The following IL1RL2 variants were observed in gnomAD, a reference collection of about 807,000 sequenced individuals.
IL1RL2 encodes the protein interleukin-1 receptor-like 2.
In IL1RL2, 68 loss-of-function variants were observed where a neutral mutation model predicts 66.8. That is an observed-to-expected ratio of 1.02 (90% CI 0.84 to 1.25). The LOEUF (loss-of-function observed/expected upper bound fraction) is 1.25. Ranked by LOEUF, IL1RL2 falls within the 50% of genes most tolerant of loss-of-function variation. The pLI is 0.00. For missense variants in IL1RL2, 729 were observed against 709.3 expected (o/e 1.03, Z -0.32); for synonymous variants, 305 against 264.6 (o/e 1.15, Z -1.48).
chr2:102,201,418 T>C (rs1475544785), intron 4 of IL1RL2, 138 bp from the exon 5 acceptor site: 12 of 688,746 alleles, frequency 1.7e-5, no homozygotes, highest in Middle Eastern at 3.8e-4. Context: ...CATCAATCTA[T>C]CATCTACCTA....
intron 9 of IL1RL2, among the ~76,000 whole-genome samples, 160 bp from the exon 10 acceptor site, chr2:102,232,803 T>C (rs1691250854): frequency 6.6e-6 from 1 of 152,160 alleles, no homozygotes; most frequent in African/African-American, 2.4e-5. Flanking sequence ...GAGGAGATGA[T>C]GTCCCTTGGC....
intron 5 of IL1RL2, among the ~76,000 whole-genome samples, chr2:102,205,858 A>G (rs572914877): frequency 2.0e-5 from 3 of 152,144 alleles, no homozygotes; most frequent in Non-Finnish European, 4.4e-5. Flanking sequence ...TGTAAAGCCA[A>G]TAACTTTTAG....
At chr2:102,236,520 C>T (rs2287040) in intron 11 of IL1RL2, among the ~76,000 whole-genome samples, 41,793 of 152,178 alleles carry the variant, frequency 0.27, 6,476 homozygotes, top group South Asian at 0.37. Context: ...CCTATGGAGG[C>T]CTCGACTTGA....
intron 9 of IL1RL2, among the ~76,000 whole-genome samples, chr2:102,226,285 C>G (rs184301028): frequency 4.6e-5 from 7 of 152,320 alleles, no homozygotes; most frequent in African/African-American, 1.7e-4. Context: ...AGGAGGAGAT[C>G]ATCTTCTAAG....
At chr2:102,231,906 A>G (rs866009892) in intron 9 of IL1RL2, among the ~76,000 whole-genome samples, 1 of 152,262 alleles carries the variant, frequency 6.6e-6, no homozygotes. Flanking sequence ...ATCAAGAGGG[A>G]GTCATCCAGT....
At chr2:102,207,896 C>T (rs1191090417) in intron 5 of IL1RL2, among the ~76,000 whole-genome samples, 2 of 152,212 alleles carry the variant, frequency 1.3e-5, no homozygotes, top group Admixed American at 1.3e-4. Context: ...GTAAGATTTA[C>T]AGGAACTCAA....
chr2:102,190,925 C>A (rs1687175300), intron 3 of IL1RL2, among the ~76,000 whole-genome samples: 1 of 152,314 alleles, frequency 6.6e-6, no homozygotes, highest in Admixed American at 6.5e-5. Context: ...ACTTTTATTA[C>A]TAACATCCAG....
intron 7 of IL1RL2, among the ~76,000 whole-genome samples, 190 bp from the exon 8 acceptor site, chr2:102,219,691 G>A (rs1369590422): frequency 1.3e-5 from 2 of 152,160 alleles, no homozygotes; most frequent in African/African-American, 2.4e-5. Flanking sequence ...TTGTCACCAT[G>A]CAGAAGAAAA....
At chr2:102,220,892 AG>A (rs1406382703) in intron 8 of IL1RL2, among the ~76,000 whole-genome samples, 1 of 152,188 alleles carries the variant, frequency 6.6e-6, no homozygotes, top group Non-Finnish European at 1.5e-5. Context: ...GCCCCTGCCA[AG>A]CTCCTGGCCT....
chr2:102,224,814 C>A (rs1342555340), intron 8 of IL1RL2, among the ~76,000 whole-genome samples: 1 of 152,114 alleles, frequency 6.6e-6, no homozygotes, highest in East Asian at 1.9e-4. Context: ...ACATTGTATG[C>A]CTGTGTCAAA....
At chr2:102,232,614 C>T (rs181601379) in intron 9 of IL1RL2, among the ~76,000 whole-genome samples, 8 of 152,320 alleles carry the variant, frequency 5.3e-5, no homozygotes, top group East Asian at 3.9e-4. Context: ...CTGCGCTGGA[C>T]GAGTCTTCTG....
At chr2:102,199,868 C>A (rs932287306) in intron 4 of IL1RL2, among the ~76,000 whole-genome samples, 1 of 152,100 alleles carries the variant, frequency 6.6e-6, no homozygotes, top group South Asian at 2.1e-4. Flanking sequence ...AGACATTGTA[C>A]TTTGTTTGGG....
chr2:102,220,075 A>G, intron 8 of IL1RL2, 58 bp downstream of exon 8: 1 of 1,472,932 alleles, frequency 6.8e-7, no homozygotes, highest in Non-Finnish European at 9.2e-7. Flanking sequence ...GCCAGGAAAC[A>G]CATCTGAAGG....
At chr2:102,222,438 T>C (rs1690223066) in intron 8 of IL1RL2, among the ~76,000 whole-genome samples, 3 of 152,198 alleles carry the variant, frequency 2.0e-5, no homozygotes, top group African/African-American at 7.2e-5. Flanking sequence ...TTAACATTTC[T>C]ATATAATGCC....
chr2:102,229,506 C>G (rs1261318488), intron 9 of IL1RL2, among the ~76,000 whole-genome samples: 1 of 152,178 alleles, frequency 6.6e-6, no homozygotes, highest in African/African-American at 2.4e-5. Flanking sequence ...TTGCTGGTCT[C>G]AGCTTCCTTA....
chr2:102,236,127 T>G (rs975847375), intron 11 of IL1RL2, among the ~76,000 whole-genome samples: 1 of 152,176 alleles, frequency 6.6e-6, no homozygotes, highest in African/African-American at 2.4e-5. Flanking sequence ...ACTTAATGAT[T>G]AAAGGTTTTT....
At chr2:102,217,717 T>A (rs1440910796) in intron 6 of IL1RL2, among the ~76,000 whole-genome samples, 1 of 152,034 alleles carries the variant, frequency 6.6e-6, no homozygotes, top group Non-Finnish European at 1.5e-5. Flanking sequence ...GATAGGAAAA[T>A]TGGATATCCA....
In IL1RL2 at chr2:102,196,362, G is replaced by T. The variant is rs188070463; in HGVS notation, c.489+4242G>T. Among the ~76,000 whole-genome samples, 87 of 152,250 alleles carry T rather than the reference G, an allele frequency of 5.7e-4. No individual in the cohort carries two copies. In the East Asian group the frequency reaches 0.012, roughly 21 times the overall value. On this transcript the variant is annotated intron_variant, in intron 4 of 11. Transcript: ENST00000264257. ...GGGGTCACCTGATACTATACCACCT[G>T]CTCAGATTTGGTGATCCAGGTATGG...
intron 9 of IL1RL2, among the ~76,000 whole-genome samples, chr2:102,230,356 G>C (rs955789503): frequency 1.3e-5 from 2 of 152,152 alleles, no homozygotes; most frequent in Non-Finnish European, 2.9e-5. Flanking sequence ...TTGAGCGGTG[G>C]CCCTGATCAG....
Sources: allele counts gnomAD v4.1 joint callset (sites outside exome capture counted in the v4.1 genomes callset), GRCh38; gene constraint gnomAD v4.1.1; transcripts MANE v1.5; gene names NCBI Gene and HGNC (gene_info 2026-07-23, HGNC 2026-07-21).